Variants in NOS1AP observed in about 807,000 individuals in gnomAD.
NOS1AP encodes the protein nitric oxide synthase 1 adaptor protein, also known as carboxyl-terminal PDZ ligand of neuronal nitric oxide synthase protein.
In NOS1AP, 21 loss-of-function variants were observed where a neutral mutation model predicts 56.2. The ratio of observed to expected loss-of-function variants is 0.37; its 90% CI spans 0.26 to 0.54. NOS1AP has a LOEUF of 0.54. Ranked by LOEUF, NOS1AP falls within the 20% of genes least tolerant of loss-of-function variation. The probability of loss-of-function intolerance (pLI) is 0.84; values close to 1 mark genes in which losing one functional copy is unlikely to be tolerated. For synonymous variants in NOS1AP, 270 were observed against 274.6 expected (o/e 0.98, Z 0.17); for missense variants, 522 against 657.8 (o/e 0.79, Z 2.26).
At chr1:162,110,075 CAGTG>C (rs771637142) in intron 1 of NOS1AP, among the ~76,000 whole-genome samples, 15 of 152,088 alleles carry the variant, frequency 9.9e-5, no homozygotes, top group Non-Finnish European at 1.3e-4. Flanking sequence ...GTCACTTGGC[CAGTG>C]AGTGGGATAG....
In NOS1AP at chr1:162,070,109, T is replaced by C; in HGVS notation, c.-69T>C. ...CGCCGCGCCCAGCTCCAGTCTCCCC[T>C]CCCCGGGGTCTCGCCAGCCCCTTCC... is the stretch of plus-strand genomic sequence containing the variant. On this transcript the variant is annotated 5_prime_UTR_variant, in exon 1 of 10. Coordinates refer to ENST00000361897, the MANE Select transcript of NOS1AP (RefSeq NM_014697.3). 1 of 1,293,812 alleles carries C rather than the reference T, an allele frequency of 7.7e-7. No individual in the cohort carries two copies. The highest frequency in any genetic ancestry group is 1.1e-6 in the Non-Finnish European group (1 of 893,152). The allele number at this position is 1,293,812 out of a possible 1,614,324, so 80.1% of individuals were successfully genotyped here.
intron 1 of NOS1AP, among the ~76,000 whole-genome samples, chr1:162,142,936 A>G (rs1452650164): frequency 6.6e-6 from 1 of 152,222 alleles, no homozygotes; most frequent in Non-Finnish European, 1.5e-5. Context: ...GGAACATGCC[A>G]GTTATCTGGA....
intron 4 of NOS1AP, among the ~76,000 whole-genome samples, chr1:162,318,844 A>G (rs1656318393): frequency 6.6e-6 from 1 of 151,552 alleles, no homozygotes; most frequent in Admixed American, 6.6e-5. Context: ...TCCTCCTTCC[A>G]TGTTCCTTAG....
chr1:162,211,913 C>A (rs757383554), intron 2 of NOS1AP, among the ~76,000 whole-genome samples: 5 of 152,156 alleles, frequency 3.3e-5, no homozygotes, highest in African/African-American at 7.2e-5. Flanking sequence ...AGCTTCCCCC[C>A]ACAAAAGAAG....
intron 5 of NOS1AP, chr1:162,342,497 C>T (rs1259528777): frequency 4.2e-6 from 2 of 471,476 alleles, no homozygotes; most frequent in Admixed American, 4.7e-5. Flanking sequence ...GAATGGACTA[C>T]AGCAGTTGTT....
At chr1:162,246,033 G>A (rs1009968729) in intron 2 of NOS1AP, among the ~76,000 whole-genome samples, 21 of 152,324 alleles carry the variant, frequency 1.4e-4, no homozygotes, top group African/African-American at 5.1e-4. Flanking sequence ...AAGATGGCAG[G>A]CCAGGTGCCC....
At chr1:162,250,231 C>T (rs150802050) in intron 2 of NOS1AP, among the ~76,000 whole-genome samples, 8 of 152,318 alleles carry the variant, frequency 5.3e-5, no homozygotes, top group African/African-American at 9.6e-5. Context: ...TCTGTTTATA[C>T]AGACATCCTC....
At chr1:162,186,410 A>C (rs1181220861) in intron 2 of NOS1AP, among the ~76,000 whole-genome samples, 2 of 152,016 alleles carry the variant, frequency 1.3e-5, no homozygotes, top group African/African-American at 2.4e-5. Flanking sequence ...AAACAAAACA[A>C]AACAAAACAA....
chr1:162,292,352 T>A (rs1655305547), intron 3 of NOS1AP, among the ~76,000 whole-genome samples: 1 of 152,254 alleles, frequency 6.6e-6, no homozygotes, highest in South Asian at 2.1e-4. Flanking sequence ...CAAACTGATG[T>A]AAGTAGTTAC....
intron 1 of NOS1AP, among the ~76,000 whole-genome samples, chr1:162,085,327 C>T (rs1194694394): frequency 3.3e-5 from 5 of 152,024 alleles, no homozygotes; most frequent in Admixed American, 3.3e-4. Context: ...ATATCTAGTT[C>T]ATTTTTGTGG....
At chr1:162,354,848 A>G (rs1657644677) in intron 6 of NOS1AP, among the ~76,000 whole-genome samples, 1 of 152,184 alleles carries the variant, frequency 6.6e-6, no homozygotes, top group African/African-American at 2.4e-5. Flanking sequence ...CTTTCCCTTG[A>G]CTGCTTCCGT....
intron 1 of NOS1AP, among the ~76,000 whole-genome samples, chr1:162,151,010 G>A (rs1390301057): frequency 6.6e-6 from 1 of 152,178 alleles, no homozygotes; most frequent in Non-Finnish European, 1.5e-5. Context: ...CTGTGCTCAT[G>A]GGGTATTACT....
intron 3 of NOS1AP, among the ~76,000 whole-genome samples, chr1:162,295,598 GT>G (rs1257782815): frequency 5.3e-5 from 8 of 151,786 alleles, no homozygotes; most frequent in African/African-American, 1.9e-4. Flanking sequence ...GTGTTGTTTT[GT>G]TTTTTTCTTT....
intron 2 of NOS1AP, among the ~76,000 whole-genome samples, chr1:162,164,003 T>C (rs892850371): frequency 6.6e-6 from 1 of 152,214 alleles, no homozygotes; most frequent in African/African-American, 2.4e-5. Context: ...GAAGAGTTAG[T>C]AAGAGCCAGG....
chr1:162,345,389 G>A (rs1485344829), intron 6 of NOS1AP, among the ~76,000 whole-genome samples: 3 of 142,996 alleles, frequency 2.1e-5, no homozygotes, highest in East Asian at 4.2e-4. Context: ...TCCCACCTAT[G>A]AGTGAGAATA....
chr1:162,299,920 G>A (rs1655586817), intron 3 of NOS1AP, among the ~76,000 whole-genome samples: 1 of 152,176 alleles, frequency 6.6e-6, no homozygotes, highest in African/African-American at 2.4e-5. Flanking sequence ...TGTTTAGAGA[G>A]TGGCCACCCT....
intron 2 of NOS1AP, among the ~76,000 whole-genome samples, chr1:162,273,479 T>C (rs1012127159): frequency 6.6e-6 from 1 of 152,250 alleles, no homozygotes; most frequent in East Asian, 1.9e-4. Context: ...CCTCTGTTCT[T>C]GACCTGGGAA....
intron 2 of NOS1AP, among the ~76,000 whole-genome samples, chr1:162,155,152 G>A (rs1312202853): frequency 6.6e-6 from 1 of 151,460 alleles, no homozygotes; most frequent in African/African-American, 2.4e-5. Flanking sequence ...GGTGGAGCTA[G>A]TTAACAAAAT....
At chr1:162,345,733 A>T (rs928736854) in intron 6 of NOS1AP, among the ~76,000 whole-genome samples, 3 of 152,192 alleles carry the variant, frequency 2.0e-5, no homozygotes, top group Admixed American at 2.0e-4. Flanking sequence ...CAAGTTCCAT[A>T]ACCTCTCTGT....
Sources: gnomAD v4.1 joint callset for allele counts (sites outside exome capture counted in the v4.1 genomes callset) on GRCh38, gnomAD v4.1.1 for gene constraint, MANE v1.5 for transcripts, NCBI Gene and HGNC (gene_info 2026-07-23, HGNC 2026-07-21) for gene names.